Variants in CECR2 observed in about 807,000 individuals in gnomAD.
CECR2 encodes the protein chromatin remodeling regulator CECR2.
CECR2 carries 30 observed loss-of-function variants against 154.5 expected under a neutral mutation model. The observed-to-expected ratio is 0.19, with a 90% CI of 0.15 to 0.26. The LOEUF (loss-of-function observed/expected upper bound fraction) is 0.26, where lower values mean the gene tolerates loss of function less well. Among genes scored for constraint, CECR2 ranks in the 10% least tolerant of loss-of-function variants. The pLI, the probability that CECR2 is intolerant of heterozygous loss-of-function variation, is 1.00. For missense variants in CECR2, 1,743 were observed against 1,829.3 expected (o/e 0.95, Z 0.86); for synonymous variants, 725 against 683.7 (o/e 1.06, Z -0.94).
intron 1 of CECR2, among the ~76,000 whole-genome samples, chr22:17,429,983 A>G (rs1450132130): frequency 6.6e-6 from 1 of 152,224 alleles, no homozygotes. Context: ...TGCTATGCAT[A>G]GAGGTTAAAC....
chr22:17,391,841 T>A (rs1442129521), intron 1 of CECR2, among the ~76,000 whole-genome samples: 2 of 152,242 alleles, frequency 1.3e-5, no homozygotes, highest in African/African-American at 4.8e-5. Context: ...TCTCACACTC[T>A]TACAGGCGGG....
intron 1 of CECR2, among the ~76,000 whole-genome samples, chr22:17,382,119 T>C (rs1569044626): frequency 6.6e-6 from 1 of 151,814 alleles, no homozygotes; most frequent in Admixed American, 6.6e-5. Context: ...CTTGATCTCC[T>C]GACCTTGTGA....
chr22:17,490,146 T>TG (rs200130259), intron 2 of CECR2, among the ~76,000 whole-genome samples: 32,975 of 149,416 alleles, frequency 0.22, 3,705 homozygotes, highest in East Asian at 0.41. Context: ...CTGTTTTTTT[T>TG]TTGTGTGTGT....
At chr22:17,516,169 G>A (rs75572441) in intron 8 of CECR2, among the ~76,000 whole-genome samples, 1,831 of 152,110 alleles carry the variant, frequency 0.012, 33 homozygotes, top group African/African-American at 0.042. Context: ...GTCCAAAGAG[G>A]AGAGGGACAG....
intron 1 of CECR2, chr22:17,477,205 C>G: frequency 1.4e-6 from 1 of 706,438 alleles, no homozygotes; most frequent in Non-Finnish European, 2.6e-6. Context: ...ATGAGCACTC[C>G]TTTCCTCTCT....
chr22:17,511,971 C>T, intron 8 of CECR2, 75 bp downstream of exon 8: 1 of 1,121,714 alleles, frequency 8.9e-7, no homozygotes, highest in Non-Finnish European at 1.3e-6. Flanking sequence ...ACTTCCATTC[C>T]TGCCTTTTTA....
chr22:17,541,494 A>T (rs1297773137), intron 14 of CECR2, among the ~76,000 whole-genome samples: 13 of 152,254 alleles, frequency 8.5e-5, no homozygotes, highest in Admixed American at 8.5e-4. Flanking sequence ...ACAGGTATAC[A>T]TGTAGTACAT....
chr22:17,360,238 T>A (rs1040051561), intron 1 of CECR2, among the ~76,000 whole-genome samples: 2 of 152,238 alleles, frequency 1.3e-5, no homozygotes, highest in African/African-American at 4.8e-5. Flanking sequence ...CAGTGGCACG[T>A]CTGCAGTCCC....
At chr22:17,518,612 G>T in intron 8 of CECR2, 1 of 400,586 alleles carries the variant, frequency 2.5e-6, no homozygotes, top group South Asian at 2.1e-5. Context: ...AGGACGGATG[G>T]TTTCCCCATG....
Position 17,517,101 on chromosome 22 carries a change from A to G in CECR2, c.954+5205A>G, listed in dbSNP as rs943435223. 2.7e-5 allele frequency among the ~76,000 whole-genome samples: 4 copies of G among 150,042 alleles called. No homozygotes were observed. The East Asian group carries it at 7.9e-4, about 30-fold the overall frequency. ...ACCATCTTGGCCAGGCTGGTCTCGAACTCCTGACCTCGTGATCCACCCTCC... is the reference window on the plus strand; with the variant it reads ...ACCATCTTGGCCAGGCTGGTCTCGAGCTCCTGACCTCGTGATCCACCCTCC... On this transcript the variant is annotated intron_variant, in intron 8 of 18. Coordinates refer to ENST00000262608, the MANE Select transcript of CECR2 (RefSeq NM_001290047.2).
chr22:17,447,393 T>C (rs2054690177), intron 1 of CECR2, among the ~76,000 whole-genome samples: 1 of 151,990 alleles, frequency 6.6e-6, no homozygotes, highest in South Asian at 2.1e-4. Flanking sequence ...GACCTCGTGA[T>C]CCACCCACCT....
chr22:17,482,475 TG>T (rs2055343567), intron 2 of CECR2, among the ~76,000 whole-genome samples: 1 of 152,186 alleles, frequency 6.6e-6, no homozygotes, highest in Non-Finnish European at 1.5e-5. Context: ...CAACTCTTAC[TG>T]GTTTCTGTAT....
chr22:17,550,316 T>C, intron 17 of CECR2: 1 of 185,732 alleles, frequency 5.4e-6, no homozygotes, highest in Non-Finnish European at 1.1e-5. Flanking sequence ...CCTGGCTGAG[T>C]TTTGTATGAT....
intron 1 of CECR2, among the ~76,000 whole-genome samples, chr22:17,393,828 G>A (rs1436570693): frequency 6.6e-6 from 1 of 151,150 alleles, no homozygotes; most frequent in Non-Finnish European, 1.5e-5. Flanking sequence ...TCCTTTGCCA[G>A]TTTTAAAAAA....
At chr22:17,469,098 A>AGTGT (rs146819561) in intron 1 of CECR2, among the ~76,000 whole-genome samples, 9 of 151,650 alleles carry the variant, frequency 5.9e-5, no homozygotes, top group Non-Finnish European at 7.4e-5. Flanking sequence ...GTACAATTTC[A>AGTGT]GTGTGTGTGT....
chr22:17,454,604 C>CAAAAA (rs533818885), intron 1 of CECR2, among the ~76,000 whole-genome samples: 1 of 88,502 alleles, frequency 1.1e-5, no homozygotes, highest in African/African-American at 3.7e-5. Context: ...GACTCCGTCT[C>CAAAAA]AAAAAAAAAA....
chr22:17,457,448 C>T (rs190049271), intron 1 of CECR2, among the ~76,000 whole-genome samples: 344 of 152,328 alleles, frequency 2.3e-3, no homozygotes, highest in Non-Finnish European at 4.0e-3. Context: ...TAATACCTTT[C>T]GTTAATAAAA....
rs140270277 is a variant in CECR2, at chr22:17,423,451, G to C, written c.126+53542G>C. Among the ~76,000 whole-genome samples, 826 of 152,078 alleles carry C rather than the reference G, an allele frequency of 5.4e-3. 8 individuals carry two copies. Among genetic ancestry groups the C allele is most frequent in the African/African-American group, 0.019 (794 of 41,488 alleles). ...GAACCCAGGAGGTGGAAGCTGCAGT[G>C]AGCCAAGATCGCGCCACTGCACTCC... is the stretch of plus-strand genomic sequence containing the variant. On this transcript the variant is annotated intron_variant, in intron 1 of 18. Transcript: ENST00000262608.
intron 1 of CECR2, among the ~76,000 whole-genome samples, chr22:17,470,403 A>G (rs1044337970): frequency 1.3e-5 from 2 of 151,614 alleles, no homozygotes; most frequent in African/African-American, 4.8e-5. Context: ...AAAAAAAAAA[A>G]AAAAAGAAAA....
Sources: allele counts gnomAD v4.1 joint callset (sites outside exome capture counted in the v4.1 genomes callset), GRCh38; gene constraint gnomAD v4.1.1; transcripts MANE v1.5; gene names NCBI Gene and HGNC (gene_info 2026-07-23, HGNC 2026-07-21).